The following KIF21B variants were observed in gnomAD, a reference collection of about 807,000 sequenced individuals.
The protein encoded by KIF21B is kinesin family member 21B, also known as kinesin-like protein KIF21B.
In KIF21B, 85 loss-of-function variants were observed where a neutral mutation model predicts 192.9. The ratio of observed to expected loss-of-function variants is 0.44; its 90% CI spans 0.37 to 0.53. KIF21B has a LOEUF of 0.53. Among genes scored for constraint, KIF21B ranks in the 20% least tolerant of loss-of-function variants. The pLI, the probability that KIF21B is intolerant of heterozygous loss-of-function variation, is 0.00. For synonymous variants in KIF21B, 832 were observed against 884.6 expected (o/e 0.94, Z 1.05); for missense variants, 1,716 against 2,194.8 (o/e 0.78, Z 4.36).
In KIF21B at chr1:200,977,661, T is replaced by G. The variant is rs549994108; in HGVS notation, c.4161-285A>C. Reference sequence around the variant, plus strand: ...ATGAGAGTGGGTGTGAACATGGATCTTCCGGAAATCAACCTCTCTGAGTCT... The same window carrying G: ...ATGAGAGTGGGTGTGAACATGGATCGTCCGGAAATCAACCTCTCTGAGTCT... On this transcript the variant is annotated intron_variant, in intron 30 of 34. Coordinates refer to ENST00000461742, the MANE Select transcript of KIF21B (RefSeq NM_001252102.2). 3.3e-5 allele frequency among the ~76,000 whole-genome samples: 5 copies of G among 150,196 alleles called. No individual in the cohort carries two copies. In the East Asian group the frequency reaches 9.7e-4, roughly 29 times the overall value.
At chr1:201,007,710 A>G (rs951115408) in intron 3 of KIF21B, among the ~76,000 whole-genome samples, 1 of 151,854 alleles carries the variant, frequency 6.6e-6, no homozygotes, top group African/African-American at 2.4e-5. Flanking sequence ...AGATGCGCAC[A>G]CAGACACATA....
chr1:200,991,722 G>C lies in KIF21B; in HGVS notation c.2389C>G (p.Gln797Glu), dbSNP rs1656714048. ...LKKEQRRQEF[Q>E]IRALESQKRQ... ...TTCTGGGACTCCAGAGCTCGGATCT[G>C]AAACTGTGGGAGACAGAAGAGGGCT... Residue 797 changes from glutamine to glutamate, a missense_variant, in exon 17 of 35, where the codon CAG becomes GAG. This residue lies in a region of KIF21B where 1,087 missense variants were observed against 1,316.6 expected (regional missense o/e 0.83). Coordinates refer to ENST00000461742, the MANE Select transcript of KIF21B (RefSeq NM_001252102.2). 1.9e-6 allele frequency: 3 copies of C among 1,613,992 alleles called. No homozygotes were observed. The highest frequency in any genetic ancestry group is 1.3e-5 in the African/African-American group (1 of 74,966).
chr1:200,973,525 G>A lies in KIF21B; in HGVS notation c.4868C>T (p.Pro1623Leu). The A allele has an allele frequency of 6.8e-7, 1 of 1,480,984 alleles. No individual in the cohort carries two copies. Among genetic ancestry groups the A allele is most frequent in the Non-Finnish European group, 8.9e-7 (1 of 1,128,146 alleles). 91.7% of individuals were successfully genotyped at this position (1,480,984 alleles called of 1,614,324 possible). A position where few individuals can be genotyped will look rare whatever the true frequency, so the allele number is the denominator to read the frequency against. The change falls in exon 35 of 35, where the codon CCC becomes CTC. Residue 1623 changes from proline (P) to leucine (L), a missense_variant. Pro to Leu is a moderately conservative substitution (Grantham distance 98, BLOSUM62 -3). This residue lies in a region of KIF21B where 580 missense variants were observed against 775.5 expected (regional missense o/e 0.75). Coordinates refer to ENST00000461742, the MANE Select transcript of KIF21B (RefSeq NM_001252102.2). ...GGCATCCCTCTGACCTCACTCCTAG[G>A]GTGGGCCGCTGTGGGGTAACCGCCG... ...SVRRLPHSGP[P>L]
rs1478538584 is a variant in KIF21B, at chr1:201,004,913, C to T, written c.753G>A (p.Gly251=). 1.2e-6 allele frequency: 2 copies of T among 1,608,842 alleles called. No individual in the cohort carries two copies. The highest frequency in any genetic ancestry group is 1.1e-5 in the South Asian group (1 of 90,970). Residue 251 remains glycine, a synonymous_variant, in exon 6 of 35, where the codon GGG becomes GGA. Coordinates refer to ENST00000461742, the MANE Select transcript of KIF21B (RefSeq NM_001252102.2). ...QPDLVNEAVT[G]LPDGTPPSSE... is the part of the protein sequence containing the mutation. The stretch of plus-strand genomic sequence containing the variant: ...TCGAGGGAGGTGTACCATCAGGAAG[C>T]CCAGTCACCGCCTCATTCACCTGCA...
At chr1:201,005,516 C>T (rs1333581158) in intron 4 of KIF21B, 29 bp downstream of exon 4, 1 of 1,605,250 alleles carries the variant, frequency 6.2e-7, no homozygotes, top group South Asian at 1.1e-5. Context: ...ATGCCCTGGA[C>T]CTGCTCCAGA....
chr1:200,996,804 C>T (rs1657098702), intron 14 of KIF21B, among the ~76,000 whole-genome samples: 1 of 152,184 alleles, frequency 6.6e-6, no homozygotes, highest in Non-Finnish European at 1.5e-5. Context: ...AAGGAATAAG[C>T]TGATTCTCCA....
intron 14 of KIF21B, among the ~76,000 whole-genome samples, chr1:200,996,653 C>A (rs1657087825): frequency 6.6e-6 from 1 of 152,120 alleles, no homozygotes; most frequent in Non-Finnish European, 1.5e-5. Context: ...AACCCCTGGT[C>A]CCCAACTTCC....
intron 26 of KIF21B, among the ~76,000 whole-genome samples, chr1:200,986,368 T>A (rs115042406): frequency 0.018 from 2,709 of 151,396 alleles, 91 homozygotes; most frequent in African/African-American, 0.061. Context: ...TTTTTCTTTT[T>A]TTTTTTTGAG....
At chr1:201,020,517 T>G (rs1313406997) in intron 1 of KIF21B, among the ~76,000 whole-genome samples, 1 of 152,094 alleles carries the variant, frequency 6.6e-6, no homozygotes, top group Non-Finnish European at 1.5e-5. Context: ...GGGAATCCCT[T>G]GGTGCAAAGC....
chr1:200,983,118 G>A (rs900261614), intron 27 of KIF21B, 24 bp from the exon 28 acceptor site: 1 of 1,534,760 alleles, frequency 6.5e-7, no homozygotes, highest in African/African-American at 1.4e-5. Flanking sequence ...AAAATTAGCT[G>A]GATTAGGGGG....
intron 1 of KIF21B, among the ~76,000 whole-genome samples, chr1:201,011,485 T>C (rs561494330): frequency 1.3e-5 from 2 of 152,304 alleles, no homozygotes; most frequent in East Asian, 3.9e-4. Context: ...GCCCTTTCAA[T>C]GGTCTTATGC....
At chr1:201,007,259 C>G (rs1258048669) in intron 3 of KIF21B, among the ~76,000 whole-genome samples, 1 of 146,942 alleles carries the variant, frequency 6.8e-6, no homozygotes, top group Non-Finnish European at 1.5e-5. Flanking sequence ...CAGACACACA[C>G]AGACACACAC....
chr1:201,001,048 G>A (rs946857374), intron 9 of KIF21B, among the ~76,000 whole-genome samples: 15 of 151,344 alleles, frequency 9.9e-5, no homozygotes, highest in South Asian at 4.2e-4. Flanking sequence ...TGGAGGTTGC[G>A]GTGAGCCAAG....
chr1:200,981,504 C>A (rs1484678136), intron 28 of KIF21B, among the ~76,000 whole-genome samples: 1 of 152,144 alleles, frequency 6.6e-6, no homozygotes, highest in Non-Finnish European at 1.5e-5. Context: ...GTAGCTTCCA[C>A]CAGAAGCTGC....
At position 201,002,195 on chromosome 1, in the gene KIF21B, C is replaced by T. The variant is rs963601591; in HGVS notation, c.1368G>A (p.Met456Ile). 9 of 1,614,064 alleles carry T rather than the reference C, an allele frequency of 5.6e-6. No individual in the cohort carries two copies. The highest frequency in any genetic ancestry group is 7.6e-6 in the Non-Finnish European group (9 of 1,180,046). ...CTAGCAGCAGGTTGGCCTCCTGGCTCATGAGCTGGGTGACGCGGTTGTTGA... is the reference window on the plus strand; with the variant it reads ...CTAGCAGCAGGTTGGCCTCCTGGCTTATGAGCTGGGTGACGCGGTTGTTGA... ...DAINNRVTQL[M>I]SQEANLLLAK... The change falls in exon 9 of 35, where the codon ATG becomes ATA. Residue 456 changes from methionine to isoleucine, a missense_variant. This residue lies in a region of KIF21B where 1,087 missense variants were observed against 1,316.6 expected (regional missense o/e 0.83). Transcript: ENST00000461742.
chr1:200,988,554 G>A lies in KIF21B; in HGVS notation c.3299-10C>T. The A allele has an allele frequency of 1.9e-6, 3 of 1,558,798 alleles. No individual in the cohort carries two copies. Among genetic ancestry groups the A allele is most frequent in the Admixed American group, 1.8e-5 (1 of 55,004 alleles). The stretch of plus-strand genomic sequence containing the variant: ...CTGGCGTAGCCATTCTCTGTGGGAG[G>A]GCGGGAGGGAGGGAAAGGGGTTGAG... On this transcript the variant is annotated splice_polypyrimidine_tract_variant and intron_variant, in intron 22 of 34. Coordinates refer to ENST00000461742, the MANE Select transcript of KIF21B (RefSeq NM_001252102.2).
intron 1 of KIF21B, among the ~76,000 whole-genome samples, chr1:201,019,407 C>T (rs1658690968): frequency 6.6e-6 from 1 of 152,134 alleles, no homozygotes; most frequent in African/African-American, 2.4e-5. Flanking sequence ...AAACTGAGGC[C>T]CACAAAAGAC....
Position 200,990,497 on chromosome 1 carries a change from C to A in KIF21B, c.2835+79G>T, listed in dbSNP as rs1276298822. ...AGAGGGAAGTGGGGCAGGGAAAGGT[C>A]TGAAGAGCCAGAGAAGTTGGAGGTG... is the stretch of plus-strand genomic sequence containing the variant. On this transcript the variant is annotated intron_variant, in intron 19 of 34. Coordinates refer to ENST00000461742, the MANE Select transcript of KIF21B (RefSeq NM_001252102.2). This position sits in a 1 kb window ranked among gnomAD's most constrained non-coding sequence, Gnocchi z 5.4. 11 of 1,555,902 alleles carry A rather than the reference C, an allele frequency of 7.1e-6. No homozygotes were observed. The East Asian group carries it at 2.5e-4, about 35-fold the overall frequency.
Position 200,986,893 on chromosome 1 carries a change from T to G in KIF21B, c.3640A>C (p.Thr1214Pro), listed in dbSNP as rs750448381. The G allele has an allele frequency of 6.2e-6, 10 of 1,613,744 alleles. No individual in the cohort carries two copies. The South Asian group carries it at 1.1e-4, about 18-fold the overall frequency. The change falls in exon 26 of 35, where the codon ACG (threonine) becomes CCG (proline). Residue 1214 changes from threonine (T) to proline (P), a missense_variant. Coordinates refer to ENST00000461742, the MANE Select transcript of KIF21B (RefSeq NM_001252102.2). Reference protein sequence around the residue: ...TFPRQSRATETSPLTRRKSYD... With the variant: ...TFPRQSRATEPSPLTRRKSYD... ...GACTTCCTTCTCGTCAGCGGGGACG[T>G]CTCTGTGGCTCGAGATTGCCTAGGG...
Sources: gnomAD v4.1 joint callset for allele counts (sites outside exome capture counted in the v4.1 genomes callset) on GRCh38, gnomAD v4.1.1 for gene constraint, gnomAD v4.1.1 regional missense constraint, Gnocchi (gnomAD v3.1) non-coding constraint, MANE v1.5 for transcripts, NCBI Gene and HGNC (gene_info 2026-07-23, HGNC 2026-07-21) for gene names.